Variants in IL1RAPL1 observed in about 807,000 individuals in gnomAD.
The protein encoded by IL1RAPL1 is interleukin-1 receptor accessory protein-like 1.
Under a neutral mutation model 48.4 loss-of-function variants are expected in IL1RAPL1, and 3 were observed. That is an observed-to-expected ratio of 0.06 (90% CI 0.03 to 0.16). IL1RAPL1 has a LOEUF of 0.16. Ranked by LOEUF, IL1RAPL1 falls within the 10% of genes least tolerant of loss-of-function variation. IL1RAPL1 has a pLI of 1.00. For synonymous variants in IL1RAPL1, 185 were observed against 187.7 expected (o/e 0.99, Z 0.12); for missense variants, 349 against 530.6 (o/e 0.66, Z 3.36).
intron 3 of IL1RAPL1, among the ~76,000 whole-genome samples, chrX:29,294,047 A>T (rs1039071749): frequency 1.4e-4 from 15 of 110,261 alleles, no homozygotes; most frequent in South Asian, 3.9e-4. Context: ...TAAAAAAAAA[A>T]AAATAAATGA....
intron 2 of IL1RAPL1, among the ~76,000 whole-genome samples, chrX:29,137,664 T>G (rs1482446296): frequency 8.9e-6 from 1 of 112,379 alleles, no homozygotes; most frequent in Non-Finnish European, 1.9e-5. Context: ...TATTTTACCT[T>G]TAAATGTCTA....
intron 3 of IL1RAPL1, among the ~76,000 whole-genome samples, chrX:29,304,867 T>G (rs1932593993): frequency 8.9e-6 from 1 of 112,577 alleles, no homozygotes; most frequent in Non-Finnish European, 1.9e-5. Flanking sequence ...GCCTCCTGGG[T>G]TCAGGTGATT....
At chrX:28,997,110 C>T (rs149602831) in intron 2 of IL1RAPL1, among the ~76,000 whole-genome samples, 3,113 of 110,582 alleles carry the variant, frequency 0.028, 54 homozygotes, top group Non-Finnish European at 0.045. Context: ...CCTATTGGTT[C>T]AGGGTAGTGT....
At chrX:28,630,742 G>A (rs939879338) in intron 1 of IL1RAPL1, among the ~76,000 whole-genome samples, 9 of 112,462 alleles carry the variant, frequency 8.0e-5, no homozygotes, top group Non-Finnish European at 1.7e-4. Context: ...TAGGAGGTGT[G>A]TTATAAAATG....
intron 2 of IL1RAPL1, among the ~76,000 whole-genome samples, chrX:29,266,353 A>G (rs980537116): frequency 8.9e-6 from 1 of 112,133 alleles, no homozygotes; most frequent in Non-Finnish European, 1.9e-5. Context: ...AGCATAATAG[A>G]TACCAAAATG....
intron 3 of IL1RAPL1, among the ~76,000 whole-genome samples, chrX:29,390,709 A>G (rs1933842988): frequency 8.9e-6 from 1 of 111,998 alleles, no homozygotes. Flanking sequence ...GTGCTACATT[A>G]AGGTATCACA....
At chrX:29,724,076 A>G (rs1407748983) in intron 6 of IL1RAPL1, among the ~76,000 whole-genome samples, 2 of 111,877 alleles carry the variant, frequency 1.8e-5, no homozygotes, top group Non-Finnish European at 3.8e-5. Context: ...GGGGCTCCCA[A>G]CGTGCTGGGA....
chrX:29,445,547 A>G (rs1012201011), intron 5 of IL1RAPL1, among the ~76,000 whole-genome samples: 2 of 112,153 alleles, frequency 1.8e-5, no homozygotes, highest in Non-Finnish European at 3.8e-5. Flanking sequence ...GGAGTTTTAT[A>G]CAATATACAG....
At chrX:28,930,436 A>G (rs1435252008) in intron 2 of IL1RAPL1, among the ~76,000 whole-genome samples, 2 of 111,426 alleles carry the variant, frequency 1.8e-5, no homozygotes, top group Non-Finnish European at 3.8e-5. Context: ...TGAATTTTAG[A>G]ATTAGTTTTT....
At chrX:28,992,502 G>GAAAAAAAAAAAAA (rs60650174) in intron 2 of IL1RAPL1, among the ~76,000 whole-genome samples, 10 of 49,570 alleles carry the variant, frequency 2.0e-4, no homozygotes, top group Non-Finnish European at 3.1e-4. Flanking sequence ...AAAAAAAAAA[G>GAAAAAAAAAAAAA]AAAAAAAAAA....
At chrX:29,679,686 G>C (rs1926392792) in intron 6 of IL1RAPL1, among the ~76,000 whole-genome samples, 1 of 111,698 alleles carries the variant, frequency 9.0e-6, no homozygotes, top group Non-Finnish European at 1.9e-5. Context: ...ATAATATGTT[G>C]TCACTCCAAT....
chrX:28,833,321 T>G (rs1921118583), intron 2 of IL1RAPL1, among the ~76,000 whole-genome samples: 1 of 111,427 alleles, frequency 9.0e-6, no homozygotes, highest in African/African-American at 3.3e-5. Context: ...ATGAATTGTT[T>G]TCTTTTGGGT....
chrX:28,887,917 AT>A (rs1922680553), intron 2 of IL1RAPL1, among the ~76,000 whole-genome samples: 1 of 111,730 alleles, frequency 9.0e-6, no homozygotes, highest in African/African-American at 3.3e-5. Flanking sequence ...ACTAAAGTTT[AT>A]TTTGAATCAA....
At chrX:28,928,165 A>C (rs967723926) in intron 2 of IL1RAPL1, among the ~76,000 whole-genome samples, 33 of 111,325 alleles carry the variant, frequency 3.0e-4, no homozygotes, top group Non-Finnish European at 4.9e-4. Context: ...ACTAAAGTCA[A>C]ATTTATAAAT....
At chrX:29,531,262 A>C (rs1164904678) in intron 5 of IL1RAPL1, among the ~76,000 whole-genome samples, 1 of 111,424 alleles carries the variant, frequency 9.0e-6, no homozygotes, top group Non-Finnish European at 1.9e-5. Context: ...TTAGGAAAGC[A>C]ACTTTGAAAA....
At chrX:29,097,399 A>C (rs1005481593) in intron 2 of IL1RAPL1, among the ~76,000 whole-genome samples, 1 of 112,186 alleles carries the variant, frequency 8.9e-6, no homozygotes, top group Non-Finnish European at 1.9e-5. Context: ...GCTCTTGGAA[A>C]TATAGACACA....
intron 9 of IL1RAPL1, among the ~76,000 whole-genome samples, chrX:29,953,568 A>T (rs1933356085): frequency 8.9e-6 from 1 of 112,054 alleles, no homozygotes; most frequent in South Asian, 3.7e-4. Context: ...GATTCTTATG[A>T]ACAAACTGAT....
intron 6 of IL1RAPL1, among the ~76,000 whole-genome samples, chrX:29,871,865 A>C (rs1231490781): frequency 1.8e-5 from 2 of 110,633 alleles, no homozygotes; most frequent in Non-Finnish European, 3.8e-5. Flanking sequence ...CTGGGATTAG[A>C]GGTGCCCACC....
chrX:29,952,579 G>A (rs948013796), intron 9 of IL1RAPL1, among the ~76,000 whole-genome samples: 1 of 112,003 alleles, frequency 8.9e-6, no homozygotes, highest in Non-Finnish European at 1.9e-5. Context: ...TGACTTTATT[G>A]TGTGCTTTCA....
Sources: allele counts gnomAD v4.1 joint callset (sites outside exome capture counted in the v4.1 genomes callset), GRCh38; gene constraint gnomAD v4.1.1; transcripts MANE v1.5; gene names NCBI Gene and HGNC (gene_info 2026-07-23, HGNC 2026-07-21).